FASN: variants seen among roughly 807,000 people sequenced by gnomAD.
FASN encodes the protein fatty acid synthase, also known as 3-hydroxyacyl-[acyl-carrier-protein] dehydratase.
Under a neutral mutation model 250.0 loss-of-function variants are expected in FASN, and 50 were observed. That is an observed-to-expected ratio of 0.20 (90% CI 0.16 to 0.25). FASN has a LOEUF of 0.25. FASN is among the 10% of genes least tolerant of loss of function. FASN has a pLI of 1.00. For synonymous variants in FASN, 1,909 were observed against 1,584.0 expected (o/e 1.21, Z -4.87); for missense variants, 3,031 against 3,498.5 (o/e 0.87, Z 3.37).
chr17:82,096,864 CA>C, intron 1 of FASN: 1 of 318,286 alleles, frequency 3.1e-6, no homozygotes, highest in East Asian at 8.2e-5. Context: ...CAGTGAGGAG[CA>C]GGCAGGGTCA....
intron 7 of FASN, 25 bp downstream of exon 7, chr17:82,092,672 G>A (rs1286563761): frequency 3.7e-6 from 5 of 1,352,382 alleles, no homozygotes; most frequent in Middle Eastern, 2.0e-4. Context: ...GGGGTGGTGA[G>A]TGGGGCGGGG....
intron 2 of FASN, 53 bp from the exon 3 acceptor site, chr17:82,095,525 G>A: frequency 6.2e-7 from 1 of 1,602,450 alleles, no homozygotes; most frequent in Non-Finnish European, 8.5e-7. Context: ...CAGAGGTGGG[G>A]GCCCTGTGGG....
At chr17:82,085,178 C>G (rs760854079) in intron 24 of FASN, 22 bp from the exon 25 acceptor site, 3 of 1,612,302 alleles carry the variant, frequency 1.9e-6, no homozygotes, top group African/African-American at 2.7e-5. Flanking sequence ...CGGGGAGGGT[C>G]AGGCCACACT....
Position 82,084,804 on chromosome 17 carries a change from T to C in FASN, c.4559A>G (p.Glu1520Gly), listed in dbSNP as rs1288941190. Residue 1520 changes from glutamate (E) to glycine (G), a missense_variant, in exon 26 of 43, where the codon GAG (glutamate) becomes GGG (glycine). By Grantham distance (98) the Glu-to-Gly change is moderately conservative. Coordinates refer to ENST00000306749, the MANE Select transcript of FASN (RefSeq NM_004104.5). The stretch of plus-strand genomic sequence containing the variant: ...GGGCAGTGTCGGGGGCTCACCCTCC[T>C]CCAGCAGGAAGTGGCGGAAAGCCCC... Reference protein sequence around the residue: ...AWGAFRHFLLEEDKPEEPTAH... With the variant: ...AWGAFRHFLLGEDKPEEPTAH... The C allele has an allele frequency of 6.5e-7, 1 of 1,550,098 alleles. No homozygotes were observed. Among genetic ancestry groups the C allele is most frequent in the Admixed American group, 2.0e-5 (1 of 51,012 alleles).
Position 82,081,668 on chromosome 17 carries a change from C to T in FASN, c.6339G>A (p.Glu2113=), listed in dbSNP as rs2144781792. 3 of 1,612,764 alleles carry T rather than the reference C, an allele frequency of 1.9e-6. No homozygotes were observed. The highest frequency in any genetic ancestry group is 1.6e-4 in the Middle Eastern group (1 of 6,062). The part of the protein sequence containing the change: ...HMVLSSFVLA[E]KAAAYRDRDS... ...CCCTGTCCCTATAGGCCGCAGCCTT[C>T]TCAGCCAGCACAAAGCTGCTCAGGA... The change falls in exon 37 of 43, where the codon GAG becomes GAA. Residue 2113 remains glutamate, a synonymous_variant. Coordinates refer to ENST00000306749, the MANE Select transcript of FASN (RefSeq NM_004104.5).
At position 82,093,760 on chromosome 17, in the gene FASN, C is replaced by G. The variant is rs1008936868; in HGVS notation, c.292G>C (p.Asp98His). The G allele has an allele frequency of 1.2e-6, 2 of 1,612,528 alleles. No individual in the cohort carries two copies. The highest frequency in any genetic ancestry group is 8.5e-7 in the Non-Finnish European group (1 of 1,179,870). ...CCAGTGTGTGTTCCTCGGAGTGAAT[C>G]TGGGTTGATGCCTGCCACAAACAGT... ...EAIVDGGINPDSLRGTHTGVW... is the reference protein window; with the variant it reads ...EAIVDGGINPHSLRGTHTGVW... Residue 98 changes from aspartate to histidine, a missense_variant, in exon 4 of 43, where the codon GAT becomes CAT. Asp to His is a moderately conservative substitution (Grantham distance 81, BLOSUM62 -1). Transcript: ENST00000306749.
rs1206670737 is a variant in FASN at position 82,086,290 on chromosome 17, C to T, written c.3696G>A (p.Val1232=). The T allele has an allele frequency of 8.8e-6, 14 of 1,590,714 alleles. No homozygotes were observed. Among genetic ancestry groups the T allele is most frequent in the Non-Finnish European group, 1.1e-5 (13 of 1,174,152 alleles). Residue 1232 remains valine, a synonymous_variant, in exon 22 of 43, where the codon GTG becomes GTA. Coordinates refer to ENST00000306749, the MANE Select transcript of FASN (RefSeq NM_004104.5). ...PALKACLDTA[V]ENMPSLKMKV... is the part of the protein sequence containing the mutation. ...TCATCTTCAGGCTGGGCATGTTCTC[C>T]ACGGCAGTGTCCAGGCAGGCCTTGA...
In FASN at chr17:82,088,201, G is replaced by T. The variant is rs1465352684; in HGVS notation, c.2700C>A (p.Ala900=). The change falls in exon 17 of 43, where the codon GCC becomes GCA. Residue 900 remains alanine, a synonymous_variant. Transcript: ENST00000306749. ...GCTCGACGCCCAGGCCCAGGGCGCG[G>T]GCCAGCGTCTTCCACACTATGCTCA... is the stretch of plus-strand genomic sequence containing the variant. ...GYLSIVWKTL[A]RALGLGVEQL... 1 of 1,612,160 alleles carries T rather than the reference G, an allele frequency of 6.2e-7. No individual in the cohort carries two copies. Among genetic ancestry groups the T allele is most frequent in the African/African-American group, 1.3e-5 (1 of 75,062 alleles).
chr17:82,078,731 A>C lies in FASN; in HGVS notation c.*412T>G. 7.5e-6 allele frequency: 2 copies of C among 267,484 alleles called. No homozygotes were observed. Among genetic ancestry groups the C allele is most frequent in the Non-Finnish European group, 1.5e-5 (2 of 135,680 alleles). The allele number at this position is 267,484 out of a possible 1,614,324, so 16.6% of individuals were successfully genotyped here. On this transcript the variant is annotated 3_prime_UTR_variant, in exon 43 of 43. Transcript: ENST00000306749. The surrounding 1 kb of genome is among the most constrained non-coding windows in gnomAD (Gnocchi z 5.4). ...CGCGCCCGCAGGGGACATCGGGGAA[A>C]TGGGGGCAGAGTGCGGGACCCACAC...
rs1179838417 is a variant in FASN, at chr17:82,087,059, G to C, written c.3418C>G (p.Leu1140Val). ...AGGGCTGGGACCTCACCCTTGCACA[G>C]TTGCAGCTCCTCCTGCAGGGCAGCG... ...ERAALQEELQ[L>V]CKGLVQALQT... Residue 1140 changes from leucine (L) to valine (V), a missense_variant, in exon 21 of 43, where the codon CTG (leucine) becomes GTG (valine). Transcript: ENST00000306749. The C allele has an allele frequency of 1.6e-5, 25 of 1,611,246 alleles. No individual in the cohort carries two copies. The highest frequency in any genetic ancestry group is 2.1e-5 in the Non-Finnish European group (25 of 1,179,926).
intron 33 of FASN, 63 bp downstream of exon 33, chr17:82,082,851 G>A: frequency 6.3e-7 from 1 of 1,590,410 alleles, no homozygotes; most frequent in Admixed American, 1.7e-5. Flanking sequence ...CTGCAGAGAA[G>A]GGCTCAGGGG....
chr17:82,097,459 C>G (rs538141041), intron 1 of FASN: 1 of 152,580 alleles, frequency 6.6e-6, no homozygotes, highest in African/African-American at 2.4e-5. Context: ...CTCCCTTGGG[C>G]CGTCCCGGCA....
rs996534975 is a variant in FASN, at chr17:82,086,272, C to T, written c.3714G>A (p.Leu1238=). The change falls in exon 22 of 43, where the codon CTG becomes CTA. Residue 1238 remains leucine, a synonymous_variant. Coordinates refer to ENST00000306749, the MANE Select transcript of FASN (RefSeq NM_004104.5). ...CACCCACCTCCACCACCTTCATCTTCAGGCTGGGCATGTTCTCCACGGCAG... is the reference window on the plus strand; with the variant it reads ...CACCCACCTCCACCACCTTCATCTTTAGGCTGGGCATGTTCTCCACGGCAG... The part of the protein sequence containing the change: ...LDTAVENMPS[L]KMKVVEVLAG... 3.8e-6 allele frequency: 6 copies of T among 1,576,292 alleles called. No individual in the cohort carries two copies. Among genetic ancestry groups the T allele is most frequent in the Non-Finnish European group, 5.1e-6 (6 of 1,167,718 alleles).
chr17:82,081,626 C>A lies in FASN; in HGVS notation c.6381G>T (p.Leu2127=), dbSNP rs2144781692. 1 of 1,612,718 alleles carries A rather than the reference C, an allele frequency of 6.2e-7. No individual in the cohort carries two copies. Among genetic ancestry groups the A allele is most frequent in the East Asian group, 2.2e-5 (1 of 44,880 alleles). ...AYRDRDSQRD[L]VEAVAHILGI... Reference sequence around the variant, plus strand: ...CCAGGATGTGTGCCACGGCCTCCACCAGGTCCCGCTGGCTGTCCCTGTCCC... The same window carrying A: ...CCAGGATGTGTGCCACGGCCTCCACAAGGTCCCGCTGGCTGTCCCTGTCCC... Residue 2127 remains leucine (L), a synonymous_variant, in exon 37 of 43, where the codon CTG becomes CTT. Transcript: ENST00000306749.
chr17:82,093,822 A>AGCCC, intron 3 of FASN, 51 bp from the exon 4 acceptor site: 1 of 1,554,096 alleles, frequency 6.4e-7, no homozygotes, highest in Non-Finnish European at 8.7e-7. Flanking sequence ...CAGCGCAGCC[A>AGCCC]GCCCACCCAC....
Position 82,084,305 on chromosome 17 carries a change from C to T in FASN, c.4848G>A (p.Leu1616=), listed in dbSNP as rs775448927. ...RDASGKRVMG[L]VPAKGLATSV... Reference sequence around the variant, plus strand: ...AGGTGGCCAGGCCCTTGGCAGGCACCAGTCCCATCACACGCTTGCCGCTGG... The same window carrying T: ...AGGTGGCCAGGCCCTTGGCAGGCACTAGTCCCATCACACGCTTGCCGCTGG... The change falls in exon 28 of 43, where the codon CTG becomes CTA. Residue 1616 remains leucine (L), a synonymous_variant. Transcript: ENST00000306749. 3.1e-6 allele frequency: 5 copies of T among 1,610,766 alleles called. No individual in the cohort carries two copies. In the African/African-American group the frequency reaches 4.0e-5, roughly 13 times the overall value.
In FASN at chr17:82,085,682, C is replaced by T. The variant is rs1431141691; in HGVS notation, c.3922G>A (p.Gly1308Ser). Residue 1308 changes from glycine to serine, a missense_variant, in exon 23 of 43, where the codon GGC (glycine) becomes AGC (serine). Coordinates refer to ENST00000306749, the MANE Select transcript of FASN (RefSeq NM_004104.5). ...TTGCACACCAGGAGGTCGGCGCTGCCCAGGGCGCTGGGGGCAGGGTCTGCG... is the reference window on the plus strand; with the variant it reads ...TTGCACACCAGGAGGTCGGCGCTGCTCAGGGCGCTGGGGGCAGGGTCTGCG... ...DPADPAPSAL[G>S]SADLLVCNCA... 4 of 1,575,448 alleles carry T rather than the reference C, an allele frequency of 2.5e-6. No homozygotes were observed. The highest frequency in any genetic ancestry group is 3.4e-6 in the Non-Finnish European group (4 of 1,161,410).
intron 1 of FASN, among the ~76,000 whole-genome samples, chr17:82,097,773 C>G (rs1235551198): frequency 6.6e-6 from 1 of 152,080 alleles, no homozygotes; most frequent in Non-Finnish European, 1.5e-5. Context: ...CGGGGCGGCT[C>G]CGGGAGGAGG....
chr17:82,089,151 G>A lies in FASN; in HGVS notation c.2122C>T (p.Arg708Cys). ...GAGGTGCTGAGCCAGCGGGCTGAAC[G>A]TGGCTTCGGCTCCCGGATCACCTGC... ...LKKVIREPKP[R>C]SARWLSTSIP... The change falls in exon 14 of 43, where the codon CGT becomes TGT. Residue 708 changes from arginine to cysteine, a missense_variant. By Grantham distance (180) the Arg-to-Cys change is radical. Coordinates refer to ENST00000306749, the MANE Select transcript of FASN (RefSeq NM_004104.5). The A allele has an allele frequency of 6.4e-7, 1 of 1,572,220 alleles. No individual in the cohort carries two copies. Among genetic ancestry groups the A allele is most frequent in the Non-Finnish European group, 8.6e-7 (1 of 1,159,066 alleles).
Sources: gnomAD v4.1 joint callset for allele counts (sites outside exome capture counted in the v4.1 genomes callset) on GRCh38, gnomAD v4.1.1 for gene constraint, Gnocchi (gnomAD v3.1) non-coding constraint, MANE v1.5 for transcripts, NCBI Gene and HGNC (gene_info 2026-07-23, HGNC 2026-07-21) for gene names.